STK32B: variants seen among roughly 807,000 people sequenced by gnomAD.
The protein encoded by STK32B is serine/threonine-protein kinase 32B.
A neutral mutation model predicts 52.6 loss-of-function variants in STK32B; 43 were observed. That is an observed-to-expected ratio of 0.82 (90% CI 0.64 to 1.05). STK32B has a LOEUF of 1.05. Ranked by LOEUF, STK32B falls within the 50% of genes least tolerant of loss-of-function variation. STK32B has a pLI of 0.00. For synonymous variants in STK32B, 238 were observed against 204.3 expected (o/e 1.17, Z -1.41); for missense variants, 621 against 534.6 (o/e 1.16, Z -1.59).
At chr4:5,485,351 C>T (rs1293006132) in intron 11 of STK32B, among the ~76,000 whole-genome samples, 1 of 152,164 alleles carries the variant, frequency 6.6e-6, no homozygotes, top group Non-Finnish European at 1.5e-5. Context: ...TCTTCCATCA[C>T]TGATACCCTT....
intron 4 of STK32B, among the ~76,000 whole-genome samples, chr4:5,354,269 C>A (rs1000575687): frequency 6.6e-6 from 1 of 152,040 alleles, no homozygotes; most frequent in Admixed American, 6.6e-5. Context: ...AAAAATAGAT[C>A]TATGTGTACA....
At chr4:5,170,548 G>C (rs1719287052) in intron 3 of STK32B, among the ~76,000 whole-genome samples, 1 of 151,704 alleles carries the variant, frequency 6.6e-6, no homozygotes, top group Non-Finnish European at 1.5e-5. Flanking sequence ...CTATGAGTAA[G>C]AACATGCAGT....
chr4:5,313,169 A>C (rs999606127), intron 3 of STK32B, among the ~76,000 whole-genome samples: 8 of 151,650 alleles, frequency 5.3e-5, no homozygotes, highest in Non-Finnish European at 1.0e-4. Flanking sequence ...ACCAGTGTAC[A>C]AAAAGAATTA....
In STK32B at chr4:5,120,787, A is replaced by G. The variant is rs893215970; in HGVS notation, c.53-19118A>G. On this transcript the variant is annotated intron_variant, in intron 1 of 11. Transcript: ENST00000282908. ...CCAAGCTTTTTTCTAAGCACTTTAC[A>G]TATGTGTATGAAATATATAGAGAAA... Among the ~76,000 whole-genome samples the G allele has an allele frequency of 5.9e-5, 9 of 152,086 alleles. No individual in the cohort carries two copies. The East Asian group carries it at 1.3e-3, about 23-fold the overall frequency.
At chr4:5,275,985 C>G (rs1727796193) in intron 3 of STK32B, among the ~76,000 whole-genome samples, 1 of 152,050 alleles carries the variant, frequency 6.6e-6, no homozygotes, top group South Asian at 2.1e-4. Context: ...GCACAGCCAG[C>G]CTATATTTTA....
chr4:5,130,389 A>G (rs1040737643), intron 1 of STK32B, among the ~76,000 whole-genome samples: 2 of 151,964 alleles, frequency 1.3e-5, no homozygotes, highest in Admixed American at 6.5e-5. Context: ...CTTCTAGGCC[A>G]TGGTGAGGAG....
intron 11 of STK32B, among the ~76,000 whole-genome samples, chr4:5,492,356 T>C (rs1719808869): frequency 6.6e-6 from 1 of 152,216 alleles, no homozygotes; most frequent in Non-Finnish European, 1.5e-5. Flanking sequence ...GAATGGGAGT[T>C]CACTCATGAT....
At chr4:5,167,193 TTGCCCCCAAC>T (rs1484994970) in intron 2 of STK32B, among the ~76,000 whole-genome samples, 11 of 152,234 alleles carry the variant, frequency 7.2e-5, no homozygotes, top group African/African-American at 2.4e-4. Context: ...TCCTCCCACC[TTGCCCCCAAC>T]TGCCCCCAGG....
chr4:5,454,164 A>G (rs1358082985), intron 7 of STK32B, among the ~76,000 whole-genome samples: 1 of 152,144 alleles, frequency 6.6e-6, no homozygotes, highest in Admixed American at 6.5e-5. Context: ...CCATCTACAG[A>G]GGTCACCAGT....
intron 1 of STK32B, among the ~76,000 whole-genome samples, chr4:5,059,052 C>CCTT (rs1742117315): frequency 1.2e-5 from 1 of 86,894 alleles, no homozygotes; most frequent in East Asian, 3.9e-4. Flanking sequence ...CGCCCAGCTG[C>CCTT]TTTTTTTTTT....
At chr4:5,333,932 T>C (rs1208883191) in intron 4 of STK32B, among the ~76,000 whole-genome samples, 1 of 152,232 alleles carries the variant, frequency 6.6e-6, no homozygotes, top group Non-Finnish European at 1.5e-5. Context: ...TTTGTTCTTT[T>C]GGCTTAGGAT....
intron 3 of STK32B, among the ~76,000 whole-genome samples, chr4:5,208,134 T>C (rs969136496): frequency 9.2e-5 from 14 of 152,026 alleles, no homozygotes; most frequent in Admixed American, 2.0e-4. Context: ...GCTCACCAGG[T>C]GATTCAGGAT....
chr4:5,373,494 T>A (rs565191689), intron 4 of STK32B, among the ~76,000 whole-genome samples: 2 of 152,214 alleles, frequency 1.3e-5, no homozygotes, highest in Non-Finnish European at 2.9e-5. Flanking sequence ...AGATCAGACC[T>A]TTTGTTCTAG....
intron 3 of STK32B, among the ~76,000 whole-genome samples, chr4:5,214,470 A>G (rs1430470942): frequency 6.6e-6 from 1 of 152,168 alleles, no homozygotes; most frequent in African/African-American, 2.4e-5. Flanking sequence ...TTACTTATAG[A>G]CAACTCACTA....
rs1038195922 is a variant in STK32B at position 5,462,505 on chromosome 4, C to T, written c.909+2277C>T. Among the ~76,000 whole-genome samples the T allele has an allele frequency of 4.6e-5, 7 of 152,250 alleles. No homozygotes were observed. In the East Asian group the frequency reaches 1.2e-3, roughly 25 times the overall value. Reference sequence around the variant, plus strand: ...GGCAGGCAGTCTGCATCCCATTTCCCACCCTATTCCGCTGGCCAATGAGAA... The same window carrying T: ...GGCAGGCAGTCTGCATCCCATTTCCTACCCTATTCCGCTGGCCAATGAGAA... On this transcript the variant is annotated intron_variant, in intron 9 of 11. Coordinates refer to ENST00000282908, the MANE Select transcript of STK32B (RefSeq NM_018401.3).
chr4:5,299,302 G>A (rs999883245), intron 3 of STK32B, among the ~76,000 whole-genome samples: 3 of 152,108 alleles, frequency 2.0e-5, no homozygotes, highest in African/African-American at 7.2e-5. Context: ...ACAGTGAAAA[G>A]GGAAGGAAAC....
intron 6 of STK32B, among the ~76,000 whole-genome samples, chr4:5,431,735 G>A (rs1008410758): frequency 6.6e-6 from 1 of 152,116 alleles, no homozygotes; most frequent in Admixed American, 6.5e-5. Context: ...TCTATTGCTA[G>A]CAATGCTACT....
chr4:5,459,776 A>G (rs1459118503), intron 8 of STK32B, among the ~76,000 whole-genome samples: 2 of 152,166 alleles, frequency 1.3e-5, no homozygotes, highest in Non-Finnish European at 2.9e-5. Flanking sequence ...TCTATTTGTA[A>G]TTGGATGCTT....
At chr4:5,224,940 A>C (rs913430007) in intron 3 of STK32B, among the ~76,000 whole-genome samples, 1 of 152,178 alleles carries the variant, frequency 6.6e-6, no homozygotes, top group Admixed American at 6.5e-5. Context: ...AATTTTTATT[A>C]AAGTGGGATT....
Sources: allele counts gnomAD v4.1 joint callset (sites outside exome capture counted in the v4.1 genomes callset), GRCh38; gene constraint gnomAD v4.1.1; transcripts MANE v1.5; gene names NCBI Gene and HGNC (gene_info 2026-07-23, HGNC 2026-07-21).